UHRF2: variants seen among roughly 807,000 people sequenced by gnomAD.
UHRF2 encodes the protein E3 ubiquitin-protein ligase UHRF2.
UHRF2 carries 23 observed loss-of-function variants against 96.8 expected under a neutral mutation model. That is an observed-to-expected ratio of 0.24 (90% confidence interval 0.17 to 0.34). UHRF2 has a LOEUF of 0.34. Among genes scored for constraint, UHRF2 ranks in the 10% least tolerant of loss-of-function variants. UHRF2 has a pLI of 1.00. For missense variants in UHRF2, 685 were observed against 981.5 expected (o/e 0.70, Z 4.04); for synonymous variants, 385 against 332.6 (o/e 1.16, Z -1.72).
chr9:6,445,320 G>T (rs1821422303), intron 3 of UHRF2, among the ~76,000 whole-genome samples: 1 of 152,122 alleles, frequency 6.6e-6, no homozygotes, highest in African/African-American at 2.4e-5. Flanking sequence ...CTGGAGTGCA[G>T]TGGTATCATG....
chr9:6,453,651 A>G (rs1265320813), intron 3 of UHRF2, among the ~76,000 whole-genome samples: 2 of 152,204 alleles, frequency 1.3e-5, no homozygotes, highest in African/African-American at 2.4e-5. Flanking sequence ...AGGTTTGACC[A>G]TTAAAAAATG....
At chr9:6,483,827 T>C (rs986740252) in intron 8 of UHRF2, among the ~76,000 whole-genome samples, 2 of 152,112 alleles carry the variant, frequency 1.3e-5, no homozygotes, top group East Asian at 3.9e-4. Flanking sequence ...GTAGCTGGGA[T>C]TACAGGCATG....
At chr9:6,446,736 T>C (rs1821532071) in intron 3 of UHRF2, among the ~76,000 whole-genome samples, 2 of 150,834 alleles carry the variant, frequency 1.3e-5, no homozygotes, top group African/African-American at 4.9e-5. Context: ...TCCCAGCTAC[T>C]TGGGAGACTG....
At position 6,481,654 on chromosome 9, in the gene UHRF2, C is replaced by T. The variant is rs1454114147; in HGVS notation, c.1172C>T (p.Ser391Phe). The part of the protein sequence containing the change: ...VPEEEYWYCP[S>F]CKTDSSEVVK... ...TTTTTCTTTTAAAGGTATTGTCCTT[C>T]TTGTAAAACTGATTCCAGTGAAGTT... is the stretch of plus-strand genomic sequence containing the variant. The change falls in exon 7 of 16, where the codon TCT (serine) becomes TTT (phenylalanine). Residue 391 changes from serine (S) to phenylalanine (F), a missense_variant. This residue lies in a region of UHRF2 where 391 missense variants were observed against 437.0 expected (regional missense o/e 0.89). Transcript: ENST00000276893. 9.3e-6 allele frequency: 15 copies of T among 1,612,388 alleles called. No homozygotes were observed. Among genetic ancestry groups the T allele is most frequent in the Non-Finnish European group, 1.3e-5 (15 of 1,179,410 alleles).
At chr9:6,433,867 C>G (rs747663342) in intron 2 of UHRF2, 47 bp from the exon 3 acceptor site, 15 of 1,568,722 alleles carry the variant, frequency 9.6e-6, no homozygotes, top group Non-Finnish European at 8.7e-7. Context: ...GTTTTTGAAG[C>G]AGTAGACAAA....
At chr9:6,474,600 G>A (rs1445545495) in intron 4 of UHRF2, among the ~76,000 whole-genome samples, 1 of 152,208 alleles carries the variant, frequency 6.6e-6, no homozygotes, top group African/African-American at 2.4e-5. Context: ...CAGCTACTTG[G>A]AAGGCTGAGG....
At chr9:6,415,621 G>A (rs191150884) in intron 1 of UHRF2, 27 of 152,248 alleles carry the variant, frequency 1.8e-4, no homozygotes, top group Admixed American at 1.6e-3. Flanking sequence ...ATACTTTACT[G>A]CCACGTAGTG....
chr9:6,452,298 C>A lies in UHRF2; in HGVS notation c.645-8275C>A, dbSNP rs940845156. Among the ~76,000 whole-genome samples the A allele has an allele frequency of 1.1e-3, 174 of 152,254 alleles. 1 individual carries two copies. Among genetic ancestry groups the A allele is most frequent in the African/African-American group, 4.1e-3 (169 of 41,544 alleles). On this transcript the variant is annotated intron_variant, in intron 3 of 15. Transcript: ENST00000276893. ...CAGGATTTTATTTATGTCCAGGATA[C>A]AGTCCTAGAGGTGGAATTCCTGGGT...
At chr9:6,452,085 AT>A (rs574826546) in intron 3 of UHRF2, among the ~76,000 whole-genome samples, 66 of 151,796 alleles carry the variant, frequency 4.3e-4, no homozygotes, top group African/African-American at 1.5e-3. Context: ...TTTGCACCTT[AT>A]TTTTTTTAAG....
At chr9:6,471,776 T>C (rs1014923814) in intron 4 of UHRF2, among the ~76,000 whole-genome samples, 3 of 152,194 alleles carry the variant, frequency 2.0e-5, no homozygotes, top group Admixed American at 6.5e-5. Flanking sequence ...TAGAGTACTC[T>C]TTAAACTCTT....
intron 2 of UHRF2, among the ~76,000 whole-genome samples, chr9:6,429,273 C>T (rs554604315): frequency 6.6e-6 from 1 of 152,158 alleles, no homozygotes; most frequent in South Asian, 2.1e-4. Flanking sequence ...ATCTCTTGAG[C>T]AAATGTATTT....
chr9:6,467,541 G>C (rs1364318611), intron 4 of UHRF2, among the ~76,000 whole-genome samples: 1 of 150,622 alleles, frequency 6.6e-6, no homozygotes, highest in Non-Finnish European at 1.5e-5. Flanking sequence ...CCTTGTTCTA[G>C]GCACTAGTTA....
intron 3 of UHRF2, among the ~76,000 whole-genome samples, chr9:6,456,147 TC>T (rs1490395284): frequency 1.3e-5 from 2 of 152,208 alleles, no homozygotes; most frequent in African/African-American, 4.8e-5. Context: ...TTGGCTTTTT[TC>T]TTTTTAGAAT....
At chr9:6,421,283 C>T (rs1382178997) in intron 2 of UHRF2, 141 bp downstream of exon 2, 18 of 687,304 alleles carry the variant, frequency 2.6e-5, no homozygotes, top group Non-Finnish European at 4.4e-5. Context: ...TAAAAGTAGT[C>T]TTTTAAAAAT....
chr9:6,491,383 C>G (rs1187523093), intron 9 of UHRF2, among the ~76,000 whole-genome samples: 1 of 152,212 alleles, frequency 6.6e-6, no homozygotes, highest in African/African-American at 2.4e-5. Flanking sequence ...TAAAATGCTT[C>G]TCCTAACACC....
Position 6,469,561 on chromosome 9 carries a change from G to A in UHRF2, c.864-5830G>A, listed in dbSNP as rs990834481. On this transcript the variant is annotated intron_variant, in intron 4 of 15. Coordinates refer to ENST00000276893, the MANE Select transcript of UHRF2 (RefSeq NM_152896.3). ...ATAAAAAAATAACAAATAAGACACA[G>A]CAGAAGATAGGATTAGGAAACCAGA... is the stretch of plus-strand genomic sequence containing the variant. Among the ~76,000 whole-genome samples, 4 of 151,604 alleles carry A rather than the reference G, an allele frequency of 2.6e-5. No individual in the cohort carries two copies. In the East Asian group the frequency reaches 5.8e-4, roughly 22 times the overall value.
chr9:6,464,265 T>G (rs1383585340), intron 4 of UHRF2, among the ~76,000 whole-genome samples: 2 of 152,234 alleles, frequency 1.3e-5, no homozygotes, highest in African/African-American at 4.8e-5. Context: ...TCCAATTTGG[T>G]GACTTTTTTT....
chr9:6,493,884 A>G lies in UHRF2; in HGVS notation c.1556A>G (p.Lys519Arg), dbSNP rs1322564484. Residue 519 changes from lysine (K) to arginine (R), a missense_variant, in exon 10 of 16, where the codon AAA becomes AGA. Transcript: ENST00000276893. ...GSGGKNLAGN[K>R]RIGAPSADQT... The stretch of plus-strand genomic sequence containing the variant: ...GGTGGTAAAAATCTTGCTGGTAACA[A>G]AAGAATTGGTGCACCTTCAGCTGAT... 6.2e-7 allele frequency: 1 copy of G among 1,614,024 alleles called. No individual in the cohort carries two copies. The highest frequency in any genetic ancestry group is 8.5e-7 in the Non-Finnish European group (1 of 1,179,956).
intron 4 of UHRF2, among the ~76,000 whole-genome samples, chr9:6,465,353 T>G (rs1399164159): frequency 6.6e-6 from 1 of 152,192 alleles, no homozygotes. Context: ...TGGAATCTTC[T>G]TTTTCTTTCT....
Sources: gnomAD v4.1 joint callset for allele counts (sites outside exome capture counted in the v4.1 genomes callset) on GRCh38, gnomAD v4.1.1 for gene constraint, gnomAD v4.1.1 regional missense constraint, MANE v1.5 for transcripts, NCBI Gene and HGNC (gene_info 2026-07-23, HGNC 2026-07-21) for gene names.